The following SIPA1L3 variants were observed in gnomAD, a reference collection of about 807,000 sequenced individuals.
The protein encoded by SIPA1L3 is signal-induced proliferation-associated 1-like protein 3.
A neutral mutation model predicts 150.1 loss-of-function variants in SIPA1L3; 59 were observed. That is an observed-to-expected ratio of 0.39 (90% CI 0.32 to 0.49). The LOEUF (loss-of-function observed/expected upper bound fraction) is 0.49, where lower values mean the gene tolerates loss of function less well. Ranked by LOEUF, SIPA1L3 falls within the 20% of genes least tolerant of loss-of-function variation. The probability of loss-of-function intolerance (pLI) is 0.86; values close to 1 mark genes in which losing one functional copy is unlikely to be tolerated. For missense variants in SIPA1L3, 2,211 were observed against 2,489.5 expected, an observed-to-expected ratio of 0.89 and a Z score of 2.38; for synonymous variants, 1,070 against 1,077.6, an observed-to-expected ratio of 0.99 and a Z score of 0.14.
At position 38,193,726 on chromosome 19, in the gene SIPA1L3, C is replaced by A. The variant is rs543116839; in HGVS notation, c.4786C>A (p.Pro1596Thr). 106 of 1,566,060 alleles carry A rather than the reference C, an allele frequency of 6.8e-5. No homozygotes were observed. The South Asian group carries it at 1.2e-3, about 17-fold the overall frequency. ...ARRQHQHPHPPVGPGATPAAG... is the reference protein window; with the variant it reads ...ARRQHQHPHPTVGPGATPAAG... ...CCGCCAGCACCAGCACCCCCACCCG[C>A]CCGTCGGCCCCGGTGCCACCCCTGC... The change falls in exon 18 of 22, where the codon CCC becomes ACC. Residue 1596 changes from proline to threonine, a missense_variant. Pro to Thr is a conservative substitution (Grantham distance 38). This residue lies in a region of SIPA1L3 where 806 missense variants were observed against 870.1 expected (regional missense o/e 0.93). Transcript: ENST00000222345.
chr19:38,155,700 C>T (rs1156921002), intron 13 of SIPA1L3, among the ~76,000 whole-genome samples: 1 of 152,168 alleles, frequency 6.6e-6, no homozygotes, highest in Non-Finnish European at 1.5e-5. Context: ...ACCCCATCAG[C>T]ACACCAGCTC....
intron 2 of SIPA1L3, among the ~76,000 whole-genome samples, chr19:38,031,865 G>A (rs148399148): frequency 2.6e-5 from 4 of 152,172 alleles, no homozygotes; most frequent in African/African-American, 9.7e-5. Flanking sequence ...CAGGAGGATC[G>A]CTTGAGCCCA....
At chr19:38,134,501 G>GT (rs1479314677) in intron 10 of SIPA1L3, among the ~76,000 whole-genome samples, 1 of 147,346 alleles carries the variant, frequency 6.8e-6, no homozygotes, top group African/African-American at 2.5e-5. Context: ...GAGGTCAGGA[G>GT]TTTGAGACCA....
At chr19:38,078,580 G>T (rs1450724005) in intron 2 of SIPA1L3, among the ~76,000 whole-genome samples, 1 of 145,986 alleles carries the variant, frequency 6.8e-6, no homozygotes, top group Admixed American at 6.9e-5. Context: ...ACAGAGACAC[G>T]CACACACACA....
chr19:38,078,061 C>G (rs1183575681), intron 2 of SIPA1L3, among the ~76,000 whole-genome samples: 1 of 152,172 alleles, frequency 6.6e-6, no homozygotes, highest in Non-Finnish European at 1.5e-5. Flanking sequence ...CATCCATACT[C>G]CCGCAAGCCT....
intron 2 of SIPA1L3, among the ~76,000 whole-genome samples, chr19:38,060,429 G>C (rs569612980): frequency 6.6e-6 from 1 of 152,210 alleles, no homozygotes; most frequent in Non-Finnish European, 1.5e-5. Context: ...TAAGGGTTTA[G>C]GCAGTGAGTT....
chr19:38,073,358 A>G (rs1256102836), intron 2 of SIPA1L3, among the ~76,000 whole-genome samples: 1 of 152,198 alleles, frequency 6.6e-6, no homozygotes, highest in South Asian at 2.1e-4. Flanking sequence ...TGGAGCCGCC[A>G]TATCTGGCCT....
rs1969059774 is a variant in SIPA1L3, at chr19:38,046,467, G to A, written c.-311+17311G>A. Among the ~76,000 whole-genome samples, 1 of 152,190 alleles carries A rather than the reference G, an allele frequency of 6.6e-6. No homozygotes were observed. The highest frequency in any genetic ancestry group is 1.5e-5 in the Non-Finnish European group (1 of 68,038). On this transcript the variant is annotated intron_variant, in intron 2 of 21. Coordinates refer to ENST00000222345, the MANE Select transcript of SIPA1L3 (RefSeq NM_015073.3). This position sits in a 1 kb window ranked among gnomAD's most constrained non-coding sequence, Gnocchi z 5.6. ...AGTCTTTGACCTCATGCCGATCAAC[G>A]TGCTTCTCTCGGTTCCCTGTTCTGG...
intron 1 of SIPA1L3, among the ~76,000 whole-genome samples, chr19:37,938,622 T>G (rs2046623090): frequency 6.6e-6 from 1 of 151,218 alleles, no homozygotes; most frequent in African/African-American, 2.4e-5. Context: ...TTTTTCTTTT[T>G]TCTTTTTTTT....
chr19:38,175,754 C>T (rs1359991430), intron 15 of SIPA1L3, among the ~76,000 whole-genome samples: 5 of 152,174 alleles, frequency 3.3e-5, no homozygotes, highest in African/African-American at 9.7e-5. Flanking sequence ...CTGAGGCTCA[C>T]TGAGGGGAAT....
intron 1 of SIPA1L3, chr19:37,932,795 T>G (rs1908358293): frequency 6.6e-6 from 1 of 152,308 alleles, no homozygotes; most frequent in African/African-American, 2.4e-5. Flanking sequence ...TTCTCTTTTT[T>G]TCCCCCCTCT....
At chr19:38,057,644 G>T (rs952552652) in intron 2 of SIPA1L3, among the ~76,000 whole-genome samples, 6 of 148,312 alleles carry the variant, frequency 4.0e-5, no homozygotes, top group African/African-American at 1.3e-4. Context: ...CAGAGGGTGA[G>T]AACTTTTTTT....
In SIPA1L3 at chr19:38,198,360, C is replaced by T. The variant is rs764664353; in HGVS notation, c.4841-29C>T. 2.7e-6 allele frequency: 4 copies of T among 1,507,500 alleles called. No homozygotes were observed. In the Admixed American group the frequency reaches 9.1e-5, roughly 34 times the overall value. 93.4% of individuals were successfully genotyped at this position (1,507,500 alleles called of 1,614,324 possible). ...GTGTCTCCCGCATTGTCACACTCAA[C>T]CACTGCCATCTCCACCCTCCCCATC... On this transcript the variant is annotated intron_variant, in intron 18 of 21. Coordinates refer to ENST00000222345, the MANE Select transcript of SIPA1L3 (RefSeq NM_015073.3).
At chr19:38,032,342 G>A (rs960852879) in intron 2 of SIPA1L3, among the ~76,000 whole-genome samples, 3 of 152,112 alleles carry the variant, frequency 2.0e-5, no homozygotes, top group Non-Finnish European at 4.4e-5. Context: ...CTTTTCCTAC[G>A]TGGTAACCAG....
At chr19:38,195,296 T>C (rs1485559609) in intron 18 of SIPA1L3, among the ~76,000 whole-genome samples, 3 of 152,156 alleles carry the variant, frequency 2.0e-5, no homozygotes. Flanking sequence ...ATTCCTGCTT[T>C]TTCCTGGAAG....
At chr19:38,078,227 G>C (rs568395636) in intron 2 of SIPA1L3, among the ~76,000 whole-genome samples, 1 of 152,050 alleles carries the variant, frequency 6.6e-6, no homozygotes, top group East Asian at 1.9e-4. Context: ...CTTCAGGATC[G>C]TTTGTGTTCT....
At position 38,083,101 on chromosome 19, in the gene SIPA1L3, T is replaced by C; in HGVS notation, c.1534+2T>C. 1 of 1,605,032 alleles carries C rather than the reference T, an allele frequency of 6.2e-7. No individual in the cohort carries two copies. Among genetic ancestry groups the C allele is most frequent in the Non-Finnish European group, 8.5e-7 (1 of 1,177,372 alleles). ...ACCAGGATTACTTCGTGGGCAAAGG[T>C]GACGGATGGCGTGTGGGTGGGAAGG... On this transcript the variant is annotated splice_donor_variant, in intron 3 of 21. Coordinates refer to ENST00000222345, the MANE Select transcript of SIPA1L3 (RefSeq NM_015073.3). LOFTEE classifies it high-confidence loss of function.
chr19:37,960,646 A>G (rs888448415), intron 1 of SIPA1L3, among the ~76,000 whole-genome samples: 2 of 151,620 alleles, frequency 1.3e-5, no homozygotes, highest in Middle Eastern at 3.4e-3. Flanking sequence ...TGACCTTGCA[A>G]TCCGCCTGCC....
At chr19:38,195,213 G>A (rs1972895829) in intron 18 of SIPA1L3, among the ~76,000 whole-genome samples, 1 of 152,078 alleles carries the variant, frequency 6.6e-6, no homozygotes, top group African/African-American at 2.4e-5. Context: ...ATCCTGCACG[G>A]CTGTTCTCTC....
Sources: allele counts gnomAD v4.1 joint callset (sites outside exome capture counted in the v4.1 genomes callset), GRCh38; gene constraint gnomAD v4.1.1; regional missense constraint gnomAD v4.1.1; non-coding constraint Gnocchi (gnomAD v3.1); transcripts MANE v1.5; gene names NCBI Gene and HGNC (gene_info 2026-07-23, HGNC 2026-07-21).